GPR158: variants seen among roughly 807,000 people sequenced by gnomAD.
The protein encoded by GPR158 is metabotropic glycine receptor.
A neutral mutation model predicts 78.2 loss-of-function variants in GPR158; 30 were observed. The ratio of observed to expected loss-of-function variants is 0.38; its 90% CI spans 0.29 to 0.52. GPR158 has a LOEUF of 0.52. GPR158 is among the 20% of genes least tolerant of loss of function. GPR158 has a pLI of 0.83. For synonymous variants in GPR158, 581 were observed against 591.1 expected, an observed-to-expected ratio of 0.98 and a Z score of 0.25; for missense variants, 1,463 against 1,523.5, an observed-to-expected ratio of 0.96 and a Z score of 0.66.
intron 2 of GPR158, among the ~76,000 whole-genome samples, chr10:25,322,519 CTGA>C (rs1854967407): frequency 6.6e-6 from 1 of 152,172 alleles, no homozygotes; most frequent in South Asian, 2.1e-4. Context: ...ACTCCTGTTA[CTGA>C]TGATATTTTG....
intron 2 of GPR158, among the ~76,000 whole-genome samples, chr10:25,394,039 G>A (rs371995698): frequency 1.1e-4 from 17 of 152,030 alleles, no homozygotes; most frequent in African/African-American, 3.6e-4. Flanking sequence ...TCACTTCACC[G>A]TGAGCATTTC....
At chr10:25,230,805 G>A (rs1448681441) in intron 2 of GPR158, among the ~76,000 whole-genome samples, 2 of 152,170 alleles carry the variant, frequency 1.3e-5, no homozygotes, top group South Asian at 2.1e-4. Flanking sequence ...TGAATGTCAC[G>A]GTTATTCAGT....
chr10:25,431,898 TG>T (rs1215915456), intron 4 of GPR158, among the ~76,000 whole-genome samples: 1 of 152,096 alleles, frequency 6.6e-6, no homozygotes, highest in Non-Finnish European at 1.5e-5. Context: ...ATATACCTAA[TG>T]CTAAATGACG....
At chr10:25,447,389 A>G (rs1423655417) in intron 4 of GPR158, among the ~76,000 whole-genome samples, 3 of 152,240 alleles carry the variant, frequency 2.0e-5, no homozygotes, top group Non-Finnish European at 4.4e-5. Context: ...AACTCAGGTC[A>G]TAAAGACTGC....
intron 5 of GPR158, among the ~76,000 whole-genome samples, chr10:25,534,281 A>G (rs1836462101): frequency 6.6e-6 from 1 of 152,176 alleles, no homozygotes; most frequent in African/African-American, 2.4e-5. Flanking sequence ...TCAATCTGCC[A>G]GGTTTTACCT....
chr10:25,290,883 A>G (rs919055269), intron 2 of GPR158, among the ~76,000 whole-genome samples: 4 of 152,040 alleles, frequency 2.6e-5, no homozygotes, highest in African/African-American at 9.7e-5. Context: ...TGATTGCACA[A>G]GGGGCCCTAA....
chr10:25,434,718 C>T lies in GPR158; in HGVS notation c.1335+22245C>T, dbSNP rs994633654. Among the ~76,000 whole-genome samples the T allele has an allele frequency of 2.0e-5, 3 of 152,114 alleles. 1 individual carries two copies. The highest frequency in any genetic ancestry group is 4.1e-4 in the South Asian group (2 of 4,830). On this transcript the variant is annotated intron_variant, in intron 4 of 10. Transcript: ENST00000376351. ...TGAGAATAGTGATTAAGGTCACAGA[C>T]GTTAAAGTCCATCTATCTAGGGCTT... is the stretch of plus-strand genomic sequence containing the variant.
At chr10:25,574,146 C>CCA (rs1316504592) in intron 7 of GPR158, among the ~76,000 whole-genome samples, 1 of 62,318 alleles carries the variant, frequency 1.6e-5, no homozygotes, top group African/African-American at 6.2e-5. Flanking sequence ...TTCTGTTTTA[C>CCA]AAAAAAAAAA....
chr10:25,596,938 A>G, intron 10 of GPR158, 149 bp downstream of exon 10: 1 of 658,778 alleles, frequency 1.5e-6, no homozygotes, highest in Non-Finnish European at 2.6e-6. Context: ...TTGGGTATGA[A>G]CTGAAGATGT....
At chr10:25,332,199 T>C (rs1311021661) in intron 2 of GPR158, among the ~76,000 whole-genome samples, 1 of 152,284 alleles carries the variant, frequency 6.6e-6, no homozygotes, top group Non-Finnish European at 1.5e-5. Flanking sequence ...TTCCCAGTGA[T>C]TCTGATGTGC....
Position 25,175,761 on chromosome 10 carries a change from C to G in GPR158, c.341C>G (p.Ala114Gly). 1 of 1,611,132 alleles carries G rather than the reference C, an allele frequency of 6.2e-7. No individual in the cohort carries two copies. Among genetic ancestry groups the G allele is most frequent in the Non-Finnish European group, 8.5e-7 (1 of 1,179,914 alleles). Reference protein sequence around the residue: ...ELAGLPGKWPALASAHPSLHR... With the variant: ...ELAGLPGKWPGLASAHPSLHR... ...GCGGGCCTGCCGGGGAAGTGGCCAG[C>G]CCTGGCCAGCGCGCACCCCTCCTTG... The change falls in exon 1 of 11, where the codon GCC becomes GGC. Residue 114 changes from alanine to glycine, a missense_variant. Physicochemically the swap from Ala to Gly is moderately conservative, Grantham distance 60. Transcript: ENST00000376351. This position sits in a 1 kb window ranked among gnomAD's most constrained non-coding sequence, Gnocchi z 6.4.
At chr10:25,572,909 A>G in intron 7 of GPR158, 22 bp downstream of exon 7, 2 of 1,347,966 alleles carry the variant, frequency 1.5e-6, no homozygotes. Flanking sequence ...CTTGTTTCGT[A>G]TGATGGTCTT....
intron 2 of GPR158, among the ~76,000 whole-genome samples, chr10:25,325,146 T>C (rs1274616385): frequency 6.6e-6 from 1 of 152,144 alleles, no homozygotes; most frequent in African/African-American, 2.4e-5. Flanking sequence ...ACCTGGCCCA[T>C]TCTTCCCTGT....
chr10:25,511,693 C>G (rs1836088419), intron 5 of GPR158, among the ~76,000 whole-genome samples: 1 of 152,012 alleles, frequency 6.6e-6, no homozygotes, highest in South Asian at 2.1e-4. Flanking sequence ...AGTCTTTGAT[C>G]CATCTTGAGT....
At chr10:25,551,527 G>C (rs533452245) in intron 6 of GPR158, among the ~76,000 whole-genome samples, 2 of 152,218 alleles carry the variant, frequency 1.3e-5, no homozygotes, top group Non-Finnish European at 2.9e-5. Context: ...ATATTCGATG[G>C]GTAAAGTTCA....
intron 2 of GPR158, among the ~76,000 whole-genome samples, chr10:25,291,946 A>G (rs1386936119): frequency 6.6e-6 from 1 of 152,134 alleles, no homozygotes; most frequent in Non-Finnish European, 1.5e-5. Flanking sequence ...GAAATGAAGA[A>G]TTCTCAAATA....
intron 2 of GPR158, among the ~76,000 whole-genome samples, chr10:25,352,530 G>T (rs1855489756): frequency 1.3e-5 from 2 of 151,858 alleles, no homozygotes; most frequent in South Asian, 4.1e-4. Context: ...TAAAGGCAGA[G>T]ATGACTTTTG....
chr10:25,523,303 A>G (rs1836302559), intron 5 of GPR158, among the ~76,000 whole-genome samples: 1 of 152,230 alleles, frequency 6.6e-6, no homozygotes, highest in African/African-American at 2.4e-5. Context: ...TGAAGAAAAC[A>G]TCTTTAAGGT....
chr10:25,437,353 G>A (rs1469253775), intron 4 of GPR158, among the ~76,000 whole-genome samples: 1 of 151,954 alleles, frequency 6.6e-6, no homozygotes, highest in Admixed American at 6.6e-5. Context: ...AACCTCCTGA[G>A]TAGCTAGGAC....
Sources: gnomAD v4.1 joint callset for allele counts (sites outside exome capture counted in the v4.1 genomes callset) on GRCh38, gnomAD v4.1.1 for gene constraint, Gnocchi (gnomAD v3.1) non-coding constraint, MANE v1.5 for transcripts, NCBI Gene and HGNC (gene_info 2026-07-23, HGNC 2026-07-21) for gene names.